The following KIAA1328 variants were observed in gnomAD, a reference collection of about 807,000 sequenced individuals.
The protein encoded by KIAA1328 is KIAA1328.
In KIAA1328, 52 loss-of-function variants were observed where a neutral mutation model predicts 68.1. That is an observed-to-expected ratio of 0.76 (90% CI 0.61 to 0.96). The LOEUF (loss-of-function observed/expected upper bound fraction) is 0.96. Ranked by LOEUF, KIAA1328 falls within the 40% of genes least tolerant of loss-of-function variation. The probability of loss-of-function intolerance (pLI) is 0.00; values close to 1 mark genes in which losing one functional copy is unlikely to be tolerated. For synonymous variants in KIAA1328, 232 were observed against 239.4 expected, an observed-to-expected ratio of 0.97 and a Z score of 0.28; for missense variants, 641 against 677.6, an observed-to-expected ratio of 0.95 and a Z score of 0.60.
intron 5 of KIAA1328, among the ~76,000 whole-genome samples, chr18:36,893,171 A>T (rs2048746019): frequency 6.6e-6 from 1 of 152,060 alleles, no homozygotes; most frequent in Non-Finnish European, 1.5e-5. Context: ...ACTTTTTTGG[A>T]ATTCATCCAG....
intron 7 of KIAA1328, among the ~76,000 whole-genome samples, chr18:37,086,772 G>T (rs1378520712): frequency 1.3e-5 from 2 of 152,160 alleles, no homozygotes; most frequent in Non-Finnish European, 2.9e-5. Context: ...TTGCCATTAA[G>T]AAGTGTGTTG....
chr18:37,172,888 A>G (rs182685182), intron 8 of KIAA1328, 85 bp from the exon 9 acceptor site: 5 of 963,108 alleles, frequency 5.2e-6, no homozygotes, highest in East Asian at 5.0e-5. Context: ...GGACATTCCT[A>G]TAATGTCTTA....
chr18:37,219,570 G>A (rs920075599), intron 9 of KIAA1328, among the ~76,000 whole-genome samples: 3 of 152,158 alleles, frequency 2.0e-5, no homozygotes, highest in African/African-American at 7.2e-5. Flanking sequence ...GCTGTCTCGC[G>A]GGTCGATCTC....
At chr18:36,866,610 A>G (rs2047761681) in intron 4 of KIAA1328, among the ~76,000 whole-genome samples, 1 of 152,210 alleles carries the variant, frequency 6.6e-6, no homozygotes. Flanking sequence ...ATAAAATAAG[A>G]CAAACCCTCT....
At chr18:36,924,993 A>G (rs1267479297) in intron 5 of KIAA1328, 1 of 152,214 alleles carries the variant, frequency 6.6e-6, no homozygotes, top group East Asian at 1.9e-4. Flanking sequence ...TGAATTTGTA[A>G]AGGGTCATTG....
rs142617721 is a variant in KIAA1328 at position 37,177,708 on chromosome 18, A to G, written c.1523+4627A>G. ...ATTTTGTTTTGTTTCTTTTTGAGTTACTGGTGGGGAGAGGTGTTGATTTTG... is the reference window on the plus strand; with the variant it reads ...ATTTTGTTTTGTTTCTTTTTGAGTTGCTGGTGGGGAGAGGTGTTGATTTTG... On this transcript the variant is annotated intron_variant, in intron 9 of 9. Transcript: ENST00000280020. Among the ~76,000 whole-genome samples the G allele has an allele frequency of 2.7e-4, 41 of 152,002 alleles. 1 individual carries two copies. The East Asian group carries it at 5.8e-3, about 21-fold the overall frequency.
At chr18:37,018,098 C>A (rs918575751) in intron 6 of KIAA1328, among the ~76,000 whole-genome samples, 1 of 152,048 alleles carries the variant, frequency 6.6e-6, no homozygotes, top group Non-Finnish European at 1.5e-5. Context: ...TCACAGGTAT[C>A]ATTTTTTGTT....
At chr18:36,844,953 A>G (rs2046978694) in intron 4 of KIAA1328, among the ~76,000 whole-genome samples, 1 of 151,894 alleles carries the variant, frequency 6.6e-6, no homozygotes, top group African/African-American at 2.4e-5. Flanking sequence ...AAAGTTGATA[A>G]AAGTTGATAA....
intron 6 of KIAA1328, among the ~76,000 whole-genome samples, chr18:37,026,263 A>C (rs916770567): frequency 1.3e-5 from 2 of 152,170 alleles, no homozygotes; most frequent in African/African-American, 4.8e-5. Flanking sequence ...CCAGGACCAG[A>C]TGGATTCACA....
chr18:37,180,372 C>T (rs2059676873), intron 9 of KIAA1328, among the ~76,000 whole-genome samples: 1 of 152,146 alleles, frequency 6.6e-6, no homozygotes, highest in Admixed American at 6.6e-5. Flanking sequence ...TTTCTAATCG[C>T]AACTTTCAAA....
At chr18:36,987,485 T>TAAAAA (rs536681918) in intron 6 of KIAA1328, among the ~76,000 whole-genome samples, 1 of 105,402 alleles carries the variant, frequency 9.5e-6, no homozygotes, top group Non-Finnish European at 2.1e-5. Flanking sequence ...TAGAGTATAA[T>TAAAAA]AAAAAAAAAT....
chr18:36,895,747 A>T (rs1237480079), intron 5 of KIAA1328: 1 of 456,268 alleles, frequency 2.2e-6, no homozygotes, highest in Middle Eastern at 3.3e-4. Flanking sequence ...GTGAGAATGT[A>T]GCTGAAGATA....
intron 6 of KIAA1328, among the ~76,000 whole-genome samples, chr18:37,056,511 G>C (rs560959337): frequency 4.0e-5 from 6 of 151,618 alleles, no homozygotes; most frequent in African/African-American, 1.5e-4. Context: ...CTTCAATTCT[G>C]TCGTAAACCA....
chr18:37,160,963 G>A (rs1293918532), intron 8 of KIAA1328, among the ~76,000 whole-genome samples: 5 of 152,142 alleles, frequency 3.3e-5, no homozygotes, highest in Non-Finnish European at 5.9e-5. Context: ...TTTCCCAGTT[G>A]TTCCTGGAGA....
At chr18:37,220,259 T>A (rs1355822389) in intron 9 of KIAA1328, among the ~76,000 whole-genome samples, 1 of 152,246 alleles carries the variant, frequency 6.6e-6, no homozygotes, top group African/African-American at 2.4e-5. Context: ...TTCTGTAACA[T>A]ATAAAGATCA....
chr18:37,225,999 G>T (rs2060634074), downstream of KIAA1328, among the ~76,000 whole-genome samples: 2 of 152,144 alleles, frequency 1.3e-5, no homozygotes, highest in African/African-American at 2.4e-5. Flanking sequence ...GGAATCAAGG[G>T]ACTTCAGTCA....
At chr18:36,873,983 C>T (rs1188886805) in intron 4 of KIAA1328, among the ~76,000 whole-genome samples, 1 of 152,158 alleles carries the variant, frequency 6.6e-6, no homozygotes, top group Non-Finnish European at 1.5e-5. Flanking sequence ...TGATGGTTTC[C>T]AGCTTCATCC....
chr18:37,150,791 A>G (rs1357136547), intron 7 of KIAA1328, among the ~76,000 whole-genome samples: 1 of 152,146 alleles, frequency 6.6e-6, no homozygotes, highest in Admixed American at 6.6e-5. Flanking sequence ...ATTTGACATA[A>G]CTCATCCAGT....
intron 6 of KIAA1328, among the ~76,000 whole-genome samples, chr18:37,047,680 T>A (rs1227523226): frequency 2.0e-5 from 3 of 152,214 alleles, no homozygotes; most frequent in Admixed American, 6.5e-5. Context: ...CTTTTTCAAC[T>A]TCCTTGCCCT....
Sources: allele counts gnomAD v4.1 joint callset (sites outside exome capture counted in the v4.1 genomes callset), GRCh38; gene constraint gnomAD v4.1.1; transcripts MANE v1.5; gene names NCBI Gene and HGNC (gene_info 2026-07-23, HGNC 2026-07-21).